ZCCHC14: variants seen among roughly 807,000 people sequenced by gnomAD.
ZCCHC14 encodes the protein zinc finger CCHC domain-containing protein 14.
Under a neutral mutation model 85.0 loss-of-function variants are expected in ZCCHC14, and 16 were observed. That is an observed-to-expected ratio of 0.19 (90% CI 0.13 to 0.29). The LOEUF is 0.29. Ranked by LOEUF, ZCCHC14 falls within the 10% of genes least tolerant of loss-of-function variation. The probability of loss-of-function intolerance (pLI) is 1.00; values close to 1 mark genes in which losing one functional copy is unlikely to be tolerated. For missense variants in ZCCHC14, 1,303 were observed against 1,443.5 expected (o/e 0.90, Z 1.58); for synonymous variants, 775 against 630.7 (o/e 1.23, Z -3.43).
At chr16:87,453,732 A>G (rs57551862) in intron 2 of ZCCHC14, among the ~76,000 whole-genome samples, 1,653 of 152,340 alleles carry the variant, frequency 0.011, 44 homozygotes, top group East Asian at 0.052. Context: ...AAAAGCTGGA[A>G]ACTCTATAAT....
intron 1 of ZCCHC14, among the ~76,000 whole-genome samples, chr16:87,481,148 C>A (rs112012576): frequency 2.0e-5 from 3 of 151,930 alleles, no homozygotes; most frequent in Non-Finnish European, 4.4e-5. Context: ...AGGGTTACAG[C>A]GGGCAGACCC....
rs60817141 is a variant in ZCCHC14 at position 87,456,533 on chromosome 16, C to CAAA, written c.694+3472_694+3474dup. 7.9e-3 allele frequency among the ~76,000 whole-genome samples: 500 copies of CAAA among 63,332 alleles called. 54 individuals carry two copies. The highest frequency in any genetic ancestry group is 0.013 in the African/African-American group (213 of 16,432). The allele number at this position is 63,332 out of a possible 152,430, so 41.5% of individuals were successfully genotyped here. On this transcript the variant is annotated intron_variant, in intron 2 of 12. Transcript: ENST00000671377. ...GGGCGACAGAGCAAGACTCTGTCTC[C>CAAA]AAAAAAAAAAAAAAAAAAAAAAAAA...
chr16:87,463,546 C>T (rs1360068710), intron 1 of ZCCHC14, among the ~76,000 whole-genome samples: 2 of 152,018 alleles, frequency 1.3e-5, no homozygotes, highest in Non-Finnish European at 2.9e-5. Flanking sequence ...CAGCTGGGCA[C>T]GGTGGCTCAC....
chr16:87,442,828 T>C (rs1910250329), intron 2 of ZCCHC14, among the ~76,000 whole-genome samples: 1 of 152,160 alleles, frequency 6.6e-6, no homozygotes, highest in Non-Finnish European at 1.5e-5. Context: ...TCAGAAACCA[T>C]GAAGGCCAGA....
At chr16:87,468,917 G>T (rs955091168) in intron 1 of ZCCHC14, among the ~76,000 whole-genome samples, 1 of 152,226 alleles carries the variant, frequency 6.6e-6, no homozygotes, top group Admixed American at 6.5e-5. Context: ...GCGTCTGCAT[G>T]TGGAATACCT....
In ZCCHC14 at chr16:87,407,977, G is replaced by A. The variant is rs966841012; in HGVS notation, c.*2303C>T. On this transcript the variant is annotated 3_prime_UTR_variant, in exon 13 of 13. Coordinates refer to ENST00000671377, the MANE Select transcript of ZCCHC14 (RefSeq NM_015144.3). ...TTCTCGACTTCGGACGGCCTCCCTG[G>A]AGATGTCACACGCCGCCCATGCACG... The A allele has an allele frequency of 6.5e-5, 10 of 152,726 alleles. No individual in the cohort carries two copies. Among genetic ancestry groups the A allele is most frequent in the Non-Finnish European group, 1.3e-4 (9 of 68,078 alleles). The allele number at this position is 152,726 out of a possible 1,614,324, so 9.5% of individuals were successfully genotyped here.
chr16:87,435,224 C>T (rs186805978), intron 2 of ZCCHC14, among the ~76,000 whole-genome samples: 1 of 152,268 alleles, frequency 6.6e-6, no homozygotes, highest in East Asian at 1.9e-4. Flanking sequence ...GGTTCTAAGC[C>T]TGCACTGCCC....
chr16:87,411,405 C>T (rs759549893), intron 12 of ZCCHC14, 111 bp downstream of exon 12: 46 of 1,526,864 alleles, frequency 3.0e-5, no homozygotes, highest in African/African-American at 1.2e-4. Context: ...AAAGAGCATT[C>T]GAAAAATTAT....
chr16:87,450,578 T>C (rs1910649610), intron 2 of ZCCHC14, among the ~76,000 whole-genome samples: 1 of 151,690 alleles, frequency 6.6e-6, no homozygotes, highest in Admixed American at 6.6e-5. Context: ...CTTTTTTTTT[T>C]TTTTTTTTTG....
Position 87,458,100 on chromosome 16 carries a change from G to GA in ZCCHC14, c.694+1907dup, listed in dbSNP as rs10712790. ...ATACTCGCTACTTTGAAATTATACAGAAAAAAAAAAAAAAGAATGGGGATG... is the reference window on the plus strand; with the variant it reads ...ATACTCGCTACTTTGAAATTATACAGAAAAAAAAAAAAAAAGAATGGGGATG... On this transcript the variant is annotated intron_variant, in intron 2 of 12. Transcript: ENST00000671377. 1.3e-3 allele frequency among the ~76,000 whole-genome samples: 195 copies of GA among 144,848 alleles called. 1 individual carries two copies. Among genetic ancestry groups the GA allele is most frequent in the East Asian group, 3.9e-3 (19 of 4,900 alleles).
intron 5 of ZCCHC14, 58 bp from the exon 6 acceptor site, chr16:87,419,935 G>A: frequency 6.9e-7 from 1 of 1,452,996 alleles, no homozygotes; most frequent in Non-Finnish European, 9.4e-7. Context: ...CTGACGAATT[G>A]AAAGAAAAAA....
intron 2 of ZCCHC14, among the ~76,000 whole-genome samples, chr16:87,441,726 C>T (rs148404597): frequency 2.1e-3 from 324 of 152,330 alleles, no homozygotes; most frequent in African/African-American, 4.3e-3. Context: ...CATATTCTAG[C>T]GCATTAAAAA....
At chr16:87,455,509 C>G (rs1910913880) in intron 2 of ZCCHC14, among the ~76,000 whole-genome samples, 1 of 152,134 alleles carries the variant, frequency 6.6e-6, no homozygotes, top group Admixed American at 6.5e-5. Flanking sequence ...GGCGCAAAGT[C>G]CTAGCGTCCT....
chr16:87,476,998 G>A (rs1912036739), intron 1 of ZCCHC14, among the ~76,000 whole-genome samples: 1 of 151,478 alleles, frequency 6.6e-6, no homozygotes, highest in Non-Finnish European at 1.5e-5. Context: ...GGTGGTGCGT[G>A]CCTGTAATCC....
intron 1 of ZCCHC14, among the ~76,000 whole-genome samples, chr16:87,487,843 G>A (rs899673638): frequency 4.0e-5 from 6 of 150,900 alleles, no homozygotes; most frequent in African/African-American, 7.3e-5. Flanking sequence ...CAGCATGGAC[G>A]GGCCCTGACA....
rs1908281098 is a variant in ZCCHC14, at chr16:87,408,069, C to T, written c.*2211G>A. ...GAACACAGCCGTGACAGTGTCGGAA[C>T]TCATCTACCTCAACGCTGAATGGCA... On this transcript the variant is annotated 3_prime_UTR_variant, in exon 13 of 13. Transcript: ENST00000671377. The T allele has an allele frequency of 1.3e-5, 2 of 152,682 alleles. No homozygotes were observed. Among genetic ancestry groups the T allele is most frequent in the Non-Finnish European group, 2.9e-5 (2 of 68,058 alleles). The allele number at this position is 152,682 out of a possible 1,614,324, so 9.5% of individuals were successfully genotyped here.
chr16:87,453,056 C>T (rs1910781864), intron 2 of ZCCHC14, among the ~76,000 whole-genome samples: 2 of 152,102 alleles, frequency 1.3e-5, no homozygotes, highest in Admixed American at 6.5e-5. Flanking sequence ...GGAGGGGAGG[C>T]GAAATAGAGG....
intron 6 of ZCCHC14, 92 bp downstream of exon 6, chr16:87,419,691 C>T (rs1597403238): frequency 8.9e-7 from 1 of 1,127,314 alleles, no homozygotes; most frequent in Non-Finnish European, 1.2e-6. Flanking sequence ...CCGCCTCAGC[C>T]TCCCAAAGTG....
At chr16:87,418,402 C>G (rs949055201) in intron 7 of ZCCHC14, among the ~76,000 whole-genome samples, 2 of 152,172 alleles carry the variant, frequency 1.3e-5, no homozygotes, top group African/African-American at 2.4e-5. Context: ...AACATCTCCA[C>G]GAGACTCCCT....
Sources: gnomAD v4.1 joint callset for allele counts (sites outside exome capture counted in the v4.1 genomes callset) on GRCh38, gnomAD v4.1.1 for gene constraint, MANE v1.5 for transcripts, NCBI Gene and HGNC (gene_info 2026-07-23, HGNC 2026-07-21) for gene names.